JARID2: variants seen among roughly 807,000 people sequenced by gnomAD.
JARID2 encodes the protein jumonji and AT-rich interaction domain containing 2, also known as protein Jumonji.
In JARID2, 21 loss-of-function variants were observed where a neutral mutation model predicts 125.6. The observed-to-expected ratio is 0.17, with a 90% CI of 0.12 to 0.24. The LOEUF is 0.24. Ranked by LOEUF, JARID2 falls within the 10% of genes least tolerant of loss-of-function variation. JARID2 has a pLI of 1.00. For missense variants in JARID2, 1,303 were observed against 1,639.6 expected (o/e 0.79, Z 3.55); for synonymous variants, 736 against 661.6 (o/e 1.11, Z -1.73).
intron 1 of JARID2, among the ~76,000 whole-genome samples, chr6:15,348,025 G>C (rs541183446): frequency 4.6e-5 from 7 of 152,176 alleles, no homozygotes; most frequent in African/African-American, 1.7e-4. Flanking sequence ...ACAGGTGTGA[G>C]CCACCACACC....
chr6:15,417,365 C>G (rs1318000655), intron 3 of JARID2, among the ~76,000 whole-genome samples: 3 of 152,190 alleles, frequency 2.0e-5, no homozygotes, highest in Admixed American at 2.0e-4. Flanking sequence ...CCTTAGTTCT[C>G]TCATCTGAAA....
intron 5 of JARID2, among the ~76,000 whole-genome samples, chr6:15,478,168 T>C (rs1177281559): frequency 6.6e-6 from 1 of 152,238 alleles, no homozygotes. Context: ...CGTAACTCTT[T>C]CTGTGACAGG....
At chr6:15,399,997 G>GA (rs1181994800) in intron 2 of JARID2, among the ~76,000 whole-genome samples, 1 of 152,196 alleles carries the variant, frequency 6.6e-6, no homozygotes, top group African/African-American at 2.4e-5. Flanking sequence ...TATGAAAGGA[G>GA]ATGTGTACTC....
chr6:15,405,460 TA>T (rs1356748014), intron 2 of JARID2, among the ~76,000 whole-genome samples: 1 of 152,234 alleles, frequency 6.6e-6, no homozygotes, highest in Non-Finnish European at 1.5e-5. Context: ...GCAGGCACAG[TA>T]ACCAAGCTGC....
chr6:15,476,859 T>G (rs932820881), intron 5 of JARID2, among the ~76,000 whole-genome samples: 13 of 152,352 alleles, frequency 8.5e-5, no homozygotes, highest in South Asian at 2.1e-4. Flanking sequence ...AGATTTTTCT[T>G]AAGCTCTCAT....
At chr6:15,433,668 C>G (rs1452879785) in intron 3 of JARID2, among the ~76,000 whole-genome samples, 1 of 152,030 alleles carries the variant, frequency 6.6e-6, no homozygotes, top group African/African-American at 2.4e-5. Flanking sequence ...TGGTGCTTCC[C>G]TTGGCCAGGT....
intron 1 of JARID2, among the ~76,000 whole-genome samples, chr6:15,331,577 G>C (rs1212900776): frequency 6.6e-6 from 1 of 152,080 alleles, no homozygotes; most frequent in African/African-American, 2.4e-5. Context: ...TTAATAGTAC[G>C]GTGGGGGGCC....
chr6:15,355,362 T>A (rs1183862861), intron 1 of JARID2, among the ~76,000 whole-genome samples: 3 of 152,318 alleles, frequency 2.0e-5, no homozygotes, highest in African/African-American at 7.2e-5. Flanking sequence ...TATGATTTTG[T>A]TTTGCCTATT....
chr6:15,283,775 G>A (rs983995244), intron 1 of JARID2, among the ~76,000 whole-genome samples: 8 of 146,964 alleles, frequency 5.4e-5, no homozygotes, highest in African/African-American at 1.5e-4. Flanking sequence ...GCGCGATCAC[G>A]GCTCACTGCA....
At chr6:15,346,405 C>T (rs1581438555) in intron 1 of JARID2, among the ~76,000 whole-genome samples, 1 of 152,168 alleles carries the variant, frequency 6.6e-6, no homozygotes, top group East Asian at 1.9e-4. Context: ...ATCCATGAGT[C>T]GCCTCCTCTT....
chr6:15,326,589 C>T (rs996321336), intron 1 of JARID2, among the ~76,000 whole-genome samples: 4 of 152,190 alleles, frequency 2.6e-5, no homozygotes, highest in African/African-American at 9.7e-5. Flanking sequence ...GCGACCTCCA[C>T]CTCCCAGACT....
intron 3 of JARID2, among the ~76,000 whole-genome samples, chr6:15,428,930 AC>A (rs10660512): frequency 0.17 from 15,564 of 89,814 alleles, 969 homozygotes; most frequent in Middle Eastern, 0.29. Flanking sequence ...AAAAAAACAA[AC>A]CCCCCCCCCA....
intron 1 of JARID2, among the ~76,000 whole-genome samples, chr6:15,288,970 C>T (rs1761103037): frequency 2.0e-5 from 3 of 152,142 alleles, no homozygotes; most frequent in Admixed American, 6.5e-5. Flanking sequence ...TAGTGGAGCT[C>T]AGACTGAGGG....
At chr6:15,469,290 G>C (rs994463322) in intron 5 of JARID2, among the ~76,000 whole-genome samples, 48 of 76,800 alleles carry the variant, frequency 6.3e-4, no homozygotes, top group South Asian at 1.2e-3. Flanking sequence ...CTCTGTCTCT[G>C]TCTCTCTGTC....
In JARID2 at chr6:15,392,816, C is replaced by T. The variant is rs528637719; in HGVS notation, c.182-17408C>T. 3.3e-5 allele frequency among the ~76,000 whole-genome samples: 5 copies of T among 151,398 alleles called. No individual in the cohort carries two copies. The East Asian group carries it at 9.8e-4, about 30-fold the overall frequency. On this transcript the variant is annotated intron_variant, in intron 2 of 17. Transcript: ENST00000341776. ...TCTCATGCCTCATCCTCCCAGGTAG[C>T]GGGGGTTACAGGCGCCCACCATCAT...
chr6:15,304,486 A>G (rs750376601), intron 1 of JARID2, among the ~76,000 whole-genome samples: 3 of 152,122 alleles, frequency 2.0e-5, no homozygotes, highest in Non-Finnish European at 4.4e-5. Flanking sequence ...CAGCCAGCTC[A>G]TGGTTACAGT....
chr6:15,392,680 C>CTTTT lies in JARID2; in HGVS notation c.182-17528_182-17525dup, dbSNP rs35429221. ...GAGCTTTGCTGTTGTGATTAAGAGA[C>CTTTT]TTTTTTTTTTTTTTTTTTTGAGTCA... On this transcript the variant is annotated intron_variant, in intron 2 of 17. Transcript: ENST00000341776. 8.4e-4 allele frequency among the ~76,000 whole-genome samples: 102 copies of CTTTT among 120,900 alleles called. 3 individuals carry two copies. The highest frequency in any genetic ancestry group is 2.4e-3 in the African/African-American group (73 of 30,662). 79.3% of individuals were successfully genotyped at this position (120,900 alleles called of 152,430 possible).
At chr6:15,294,713 A>G (rs962604734) in intron 1 of JARID2, among the ~76,000 whole-genome samples, 12 of 152,186 alleles carry the variant, frequency 7.9e-5, no homozygotes. Flanking sequence ...GGAGTCAAGA[A>G]CCAATGAATT....
chr6:15,434,968 T>G lies in JARID2; in HGVS notation c.324-17038T>G, dbSNP rs7759890. Among the ~76,000 whole-genome samples the G allele has an allele frequency of 7.2e-3, 1,100 of 152,318 alleles. 14 individuals are homozygous for G. Among genetic ancestry groups the G allele is most frequent in the African/African-American group, 0.025 (1,046 of 41,576 alleles). ...TAGTTTATTTTTGATTTCTAGAAGC[T>G]CTGTTTGGTTCTTTTCAAATGTTAG... On this transcript the variant is annotated intron_variant, in intron 3 of 17. Transcript: ENST00000341776.
Sources: gnomAD v4.1 joint callset for allele counts (sites outside exome capture counted in the v4.1 genomes callset) on GRCh38, gnomAD v4.1.1 for gene constraint, MANE v1.5 for transcripts, NCBI Gene and HGNC (gene_info 2026-07-23, HGNC 2026-07-21) for gene names.